The following DOCK9 variants were observed in gnomAD, a reference collection of about 807,000 sequenced individuals.
The protein encoded by DOCK9 is dedicator of cytokinesis 9, also known as dedicator of cytokinesis protein 9.
In DOCK9, 89 loss-of-function variants were observed where a neutral mutation model predicts 263.3. The ratio of observed to expected loss-of-function variants is 0.34; its 90% CI spans 0.28 to 0.40. The LOEUF (loss-of-function observed/expected upper bound fraction) is 0.40. DOCK9 is among the 10% of genes least tolerant of loss of function. The pLI, the probability that DOCK9 is intolerant of heterozygous loss-of-function variation, is 1.00. For missense variants in DOCK9, 2,140 were observed against 2,603.4 expected (o/e 0.82, Z 3.87); for synonymous variants, 976 against 973.1 (o/e 1.00, Z -0.06).
chr13:98,801,519 A>T (rs1406076001), intron 49 of DOCK9, among the ~76,000 whole-genome samples: 1 of 152,178 alleles, frequency 6.6e-6, no homozygotes, highest in Non-Finnish European at 1.5e-5. Context: ...CTTTATCATA[A>T]TGAGATACCT....
intron 1 of DOCK9, among the ~76,000 whole-genome samples, chr13:98,998,622 G>T (rs1567188490): frequency 6.6e-6 from 1 of 152,000 alleles, no homozygotes; most frequent in Non-Finnish European, 1.5e-5. Context: ...CTACCCACCT[G>T]GCCTCTTCCA....
At position 98,819,818 on chromosome 13, in the gene DOCK9, A is replaced by G. The variant is rs150161249; in HGVS notation, c.5130+4580T>C. On this transcript the variant is annotated intron_variant, in intron 45 of 52. Coordinates refer to ENST00000682017, the MANE Select transcript of DOCK9 (RefSeq NM_001366683.2). ...CTGAATATGTTCTGTTGATGTCTCTATCTCCTGGGATAGTCTATGGATATA... is the reference window on the plus strand; with the variant it reads ...CTGAATATGTTCTGTTGATGTCTCTGTCTCCTGGGATAGTCTATGGATATA... 2.2e-3 allele frequency among the ~76,000 whole-genome samples: 336 copies of G among 152,366 alleles called. 2 individuals carry two copies. The highest frequency in any genetic ancestry group is 7.6e-3 in the African/African-American group (318 of 41,584).
At chr13:98,968,551 C>T (rs374801176) in intron 1 of DOCK9, among the ~76,000 whole-genome samples, 65 of 152,160 alleles carry the variant, frequency 4.3e-4, no homozygotes, top group Middle Eastern at 6.8e-3. Flanking sequence ...ACCCTGGAGG[C>T]GGGGGTTGCA....
chr13:98,872,292 GA>G (rs2094207660), intron 27 of DOCK9, among the ~76,000 whole-genome samples: 1 of 152,208 alleles, frequency 6.6e-6, no homozygotes, highest in Non-Finnish European at 1.5e-5. Flanking sequence ...ATGGGGCTGA[GA>G]AGAAATTTAC....
chr13:98,860,147 C>T lies in DOCK9; in HGVS notation c.3697+258G>A, dbSNP rs182625976. On this transcript the variant is annotated intron_variant, in intron 33 of 52. Coordinates refer to ENST00000682017, the MANE Select transcript of DOCK9 (RefSeq NM_001366683.2). ...AGATTTAAAATGAAAACTCAACAAA[C>T]GTTGAACAAAAAGCAAACAGCGTGA... 59 of 1,296,784 alleles carry T rather than the reference C, an allele frequency of 4.5e-5. 1 individual carries two copies. The highest frequency in any genetic ancestry group is 4.4e-4 in the African/African-American group (30 of 67,648). 80.3% of individuals were successfully genotyped at this position (1,296,784 alleles called of 1,614,324 possible). A position where few individuals can be genotyped will look rare whatever the true frequency, so the allele number is the denominator to read the frequency against.
At chr13:99,067,532 C>T (rs2041474534) in intron 1 of DOCK9, among the ~76,000 whole-genome samples, 1 of 152,228 alleles carries the variant, frequency 6.6e-6, no homozygotes, top group Non-Finnish European at 1.5e-5. Flanking sequence ...CCAAAGGTCA[C>T]TGCAGATGGA....
At chr13:98,885,424 C>A in intron 20 of DOCK9, 1 of 523,456 alleles carries the variant, frequency 1.9e-6, no homozygotes. Flanking sequence ...GGCAACATGG[C>A]GAAATCCCGT....
Position 98,825,812 on chromosome 13 carries a change from C to G in DOCK9, c.5023+1018G>C. 2 of 1,183,980 alleles carry G rather than the reference C, an allele frequency of 1.7e-6. No individual in the cohort carries two copies. Among genetic ancestry groups the G allele is most frequent in the South Asian group, 2.1e-5 (1 of 48,542 alleles). 73.3% of individuals were successfully genotyped at this position (1,183,980 alleles called of 1,614,324 possible). On this transcript the variant is annotated intron_variant, in intron 44 of 52. Transcript: ENST00000682017. This position sits in a 1 kb window ranked among gnomAD's most constrained non-coding sequence, Gnocchi z 4.1. ...AGTTAAAAGGGCAAATCCCCCACCA[C>G]GGGAGGGCACGTGACCAGGGCAGGG...
At chr13:99,038,309 T>TCGC (rs1888133882) in intron 1 of DOCK9, among the ~76,000 whole-genome samples, 1 of 133,976 alleles carries the variant, frequency 7.5e-6, no homozygotes, top group Non-Finnish European at 1.6e-5. Context: ...TTTTTTTTTT[T>TCGC]TTTTTTTTTT....
rs909946435 is a variant in DOCK9, at chr13:98,793,694, T to G, written c.*932A>C. The G allele has an allele frequency of 1.3e-5, 2 of 152,668 alleles. No individual in the cohort carries two copies. The highest frequency in any genetic ancestry group is 4.8e-5 in the African/African-American group (2 of 41,464). The allele number at this position is 152,668 out of a possible 1,614,324, so 9.5% of individuals were successfully genotyped here. A position where few individuals can be genotyped will look rare whatever the true frequency, so the allele number is the denominator to read the frequency against. On this transcript the variant is annotated 3_prime_UTR_variant, in exon 53 of 53. Transcript: ENST00000682017. Reference sequence around the variant, plus strand: ...GATTTATGATTTACCAATTACATACTCCACCATTTTGGCAAAAGGATGAAA... The same window carrying G: ...GATTTATGATTTACCAATTACATACGCCACCATTTTGGCAAAAGGATGAAA...
At chr13:98,852,559 T>C (rs2093603119) in intron 35 of DOCK9, among the ~76,000 whole-genome samples, 1 of 152,190 alleles carries the variant, frequency 6.6e-6, no homozygotes, top group Non-Finnish European at 1.5e-5. Context: ...CCCCCAGATA[T>C]AAGCAGCACA....
At chr13:98,901,349 A>G (rs992239319) in intron 13 of DOCK9, among the ~76,000 whole-genome samples, 38 of 152,236 alleles carry the variant, frequency 2.5e-4, no homozygotes, top group Admixed American at 9.8e-4. Flanking sequence ...GACCTGAATC[A>G]CTGACACTGC....
chr13:98,860,014 T>G (rs542739616), intron 33 of DOCK9: 1 of 237,866 alleles, frequency 4.2e-6, no homozygotes, highest in African/African-American at 2.3e-5. Flanking sequence ...TACGTTCTTC[T>G]GGAATTACTA....
intron 1 of DOCK9, among the ~76,000 whole-genome samples, chr13:98,995,969 G>A (rs1456271442): frequency 2.6e-5 from 4 of 152,124 alleles, no homozygotes; most frequent in South Asian, 2.1e-4. Flanking sequence ...AACAGCACAC[G>A]ATGAGCCCAG....
chr13:99,045,210 T>C lies in DOCK9; in HGVS notation c.129+41013A>G, dbSNP rs138832838. 1.6e-3 allele frequency among the ~76,000 whole-genome samples: 239 copies of C among 152,346 alleles called. 1 individual carries two copies. The highest frequency in any genetic ancestry group is 5.5e-3 in the African/African-American group (228 of 41,576). On this transcript the variant is annotated intron_variant, in intron 1 of 32. Coordinates refer to the DOCK9 transcript ENST00000427887. ...TGTCAAAGCGATATCTGCACTCCCA[T>C]GTTCATGGCCGCACTATTCACAACA...
intron 38 of DOCK9, among the ~76,000 whole-genome samples, chr13:98,844,146 C>T (rs2093315942): frequency 6.6e-6 from 1 of 152,114 alleles, no homozygotes; most frequent in Non-Finnish European, 1.5e-5. Flanking sequence ...TGGTTTTGTT[C>T]CAATCCCTTT....
At chr13:98,879,737 C>T (rs1324870098) in intron 27 of DOCK9, among the ~76,000 whole-genome samples, 161 bp downstream of exon 27, 1 of 152,196 alleles carries the variant, frequency 6.6e-6, no homozygotes, top group East Asian at 1.9e-4. Flanking sequence ...CAGTACTTTC[C>T]TCAAAGCGTT....
chr13:98,989,316 AATGATG>A lies in DOCK9; in HGVS notation c.130-33771_130-33766del, dbSNP rs10536129. On this transcript the variant is annotated intron_variant, in intron 1 of 32. Transcript: ENST00000427887. ...TTTTGGGAGCTTGAAAATTAATAAT[AATGATG>A]ATGATGATGATGATGATGATGATGA... Among the ~76,000 whole-genome samples, 1,025 of 138,134 alleles carry A rather than the reference AATGATG, an allele frequency of 7.4e-3. 7 individuals carry two copies. The highest frequency in any genetic ancestry group is 0.026 in the South Asian group (108 of 4,090). The allele number at this position is 138,134 out of a possible 152,430, so 90.6% of individuals were successfully genotyped here. A position where few individuals can be genotyped will look rare whatever the true frequency, so the allele number is the denominator to read the frequency against.
intron 28 of DOCK9, 100 bp from the exon 29 acceptor site, chr13:98,868,111 T>C (rs1330993930): frequency 2.0e-6 from 3 of 1,533,266 alleles, no homozygotes; most frequent in Admixed American, 1.8e-5. Flanking sequence ...TCCACTGACA[T>C]AAAAAACATG....
Sources: allele counts gnomAD v4.1 joint callset (sites outside exome capture counted in the v4.1 genomes callset), GRCh38; gene constraint gnomAD v4.1.1; non-coding constraint Gnocchi (gnomAD v3.1); transcripts MANE v1.5; gene names NCBI Gene and HGNC (gene_info 2026-07-23, HGNC 2026-07-21).